Variants in ATP1B4 observed in about 807,000 individuals in gnomAD.
The protein encoded by ATP1B4 is ATPase Na+/K+ transporting family member beta 4, also known as protein ATP1B4.
ATP1B4 carries 32 observed loss-of-function variants against 29.6 expected under a neutral mutation model. The ratio of observed to expected loss-of-function variants is 1.08; its 90% CI spans 0.82 to 1.45. The LOEUF (loss-of-function observed/expected upper bound fraction) is 1.45, where lower values mean the gene tolerates loss of function less well. Ranked by LOEUF, ATP1B4 falls within the 40% of genes most tolerant of loss-of-function variation. The pLI is 0.00. For synonymous variants in ATP1B4, 127 were observed against 102.1 expected, an observed-to-expected ratio of 1.24 and a Z score of -1.47; for missense variants, 323 against 276.2, an observed-to-expected ratio of 1.17 and a Z score of -1.20.
intron 2 of ATP1B4, among the ~76,000 whole-genome samples, chrX:120,369,164 G>C (rs2058300631): frequency 8.9e-6 from 1 of 112,323 alleles, no homozygotes; most frequent in African/African-American, 3.2e-5. Context: ...GGCTCTAGCT[G>C]TTGATCCATT....
intron 1 of ATP1B4, among the ~76,000 whole-genome samples, chrX:120,362,735 C>T (rs1679737598): frequency 9.0e-6 from 1 of 111,643 alleles, no homozygotes; most frequent in African/African-American, 3.3e-5. Context: ...AGGGAGGAAT[C>T]CTAGACATTA....
intron 7 of ATP1B4, among the ~76,000 whole-genome samples, chrX:120,379,183 T>C (rs911026329): frequency 2.7e-5 from 3 of 111,449 alleles, no homozygotes; most frequent in African/African-American, 9.8e-5. Flanking sequence ...GACACTAGTT[T>C]TGGTTTAATT....
chrX:120,380,737 A>G lies in ATP1B4; in HGVS notation c.*1103A>G, dbSNP rs1193405891. The G allele has an allele frequency of 8.9e-6, 1 of 112,455 alleles. No homozygotes were observed. Among genetic ancestry groups the G allele is most frequent in the Admixed American group, 9.4e-5 (1 of 10,629 alleles). 9.3% of individuals were successfully genotyped at this position (112,455 alleles called of 1,213,427 possible). ...TGGAAATTGAAATCATAATCTGTCAATGAATACATGACAAGACAGAACGTT... is the reference window on the plus strand; with the variant it reads ...TGGAAATTGAAATCATAATCTGTCAGTGAATACATGACAAGACAGAACGTT... On this transcript the variant is annotated 3_prime_UTR_variant, in exon 8 of 8. Coordinates refer to ENST00000218008, the MANE Select transcript of ATP1B4 (RefSeq NM_001142447.3).
chrX:120,365,289 A>G (rs2058280465), intron 1 of ATP1B4, among the ~76,000 whole-genome samples: 1 of 112,274 alleles, frequency 8.9e-6, no homozygotes, highest in Admixed American at 9.4e-5. Context: ...ATTAGAGAGC[A>G]ATTCAAGAGG....
intron 1 of ATP1B4, among the ~76,000 whole-genome samples, chrX:120,364,308 T>C (rs142183411): frequency 0.014 from 1,569 of 112,177 alleles, 33 homozygotes; most frequent in African/African-American, 0.047. Flanking sequence ...TTCACTGAGA[T>C]TCTCAGGTGC....
rs763633512 is a variant in ATP1B4 at position 120,380,007 on chromosome X, A to C, written c.*373A>C. Reference sequence around the variant, plus strand: ...TTATAAATTCATCATGTTTTCTAAAATTCTGTTGGTTTTAGAGGTCAGATT... The same window carrying C: ...TTATAAATTCATCATGTTTTCTAAACTTCTGTTGGTTTTAGAGGTCAGATT... On this transcript the variant is annotated 3_prime_UTR_variant, in exon 8 of 8. Transcript: ENST00000218008. 175 of 120,236 alleles carry C rather than the reference A, an allele frequency of 1.5e-3. No individual in the cohort carries two copies. The highest frequency in any genetic ancestry group is 5.5e-3 in the African/African-American group (170 of 30,985). 9.9% of individuals were successfully genotyped at this position (120,236 alleles called of 1,213,427 possible). A position where few individuals can be genotyped will look rare whatever the true frequency, so the allele number is the denominator to read the frequency against.
chrX:120,374,035 C>G (rs753956652), intron 4 of ATP1B4, among the ~76,000 whole-genome samples: 1 of 111,267 alleles, frequency 9.0e-6, no homozygotes, highest in African/African-American at 3.3e-5. Context: ...AACTGCCCAG[C>G]GGGTTCACCT....
At position 120,378,737 on chromosome X, in the gene ATP1B4, C is replaced by T. The variant is rs1485118639; in HGVS notation, c.876C>T (p.Asp292=). The T allele has an allele frequency of 8.3e-7, 1 of 1,208,855 alleles. No homozygotes were observed. Among genetic ancestry groups the T allele is most frequent in the East Asian group, 3.0e-5 (1 of 33,749 alleles). Reference sequence around the variant, plus strand: ...ACTACCCAGAGTCGGCTTCTTTTGACCTCCGCTACTACCCTTACTACGGCA... The same window carrying T: ...ACTACCCAGAGTCGGCTTCTTTTGATCTCCGCTACTACCCTTACTACGGCA... ...ISYYPESASF[D]LRYYPYYGKL... The change falls in exon 7 of 8, where the codon GAC becomes GAT. Residue 292 remains aspartate, a synonymous_variant. Transcript: ENST00000218008.
At position 120,381,321 on chromosome X, in the gene ATP1B4, G is replaced by A. The variant is rs1011197437; in HGVS notation, c.*1687G>A. 6 of 112,263 alleles carry A rather than the reference G, an allele frequency of 5.3e-5. No individual in the cohort carries two copies. Among genetic ancestry groups the A allele is most frequent in the African/African-American group, 1.9e-4 (6 of 30,893 alleles). 9.3% of individuals were successfully genotyped at this position (112,263 alleles called of 1,213,427 possible). On this transcript the variant is annotated 3_prime_UTR_variant, in exon 8 of 8. Coordinates refer to ENST00000218008, the MANE Select transcript of ATP1B4 (RefSeq NM_001142447.3). ...AATGGCAGGGATGGCAAGAGATCCA[G>A]CTAGAGAGGTATTCAGGGATGGAAA...
chrX:120,366,460 G>T, intron 1 of ATP1B4, 65 bp from the exon 2 acceptor site: 1 of 1,126,480 alleles, frequency 8.9e-7, no homozygotes, highest in Non-Finnish European at 1.2e-6. Context: ...TTTATTTTTG[G>T]CTGGTGGGAT....
At chrX:120,374,958 C>G (rs1230133964) in intron 4 of ATP1B4, among the ~76,000 whole-genome samples, 3 of 101,578 alleles carry the variant, frequency 3.0e-5, no homozygotes, top group Admixed American at 1.2e-4. Context: ...GTTTCAGTCC[C>G]TCTTCCAAAA....
chrX:120,375,646 G>A lies in ATP1B4; in HGVS notation c.759+78G>A, dbSNP rs906321297. 3.7e-5 allele frequency: 33 copies of A among 887,080 alleles called. No homozygotes were observed. The African/African-American group carries it at 5.1e-4, about 14-fold the overall frequency. 73.1% of individuals were successfully genotyped at this position (887,080 alleles called of 1,213,427 possible). ...GGCTCTGGCCACTCCATTTGTCTTG[G>A]TCTCTGTCTTCACACACCACAGGTT... is the stretch of plus-strand genomic sequence containing the variant. On this transcript the variant is annotated intron_variant, in intron 5 of 7. Transcript: ENST00000218008.
intron 4 of ATP1B4, among the ~76,000 whole-genome samples, chrX:120,373,684 A>T (rs1207768574): frequency 1.8e-5 from 2 of 112,217 alleles, no homozygotes; most frequent in Non-Finnish European, 3.8e-5. Flanking sequence ...TTTCTCCCTG[A>T]TATATGTATC....
At chrX:120,375,246 A>G in intron 4 of ATP1B4, 126 bp from the exon 5 acceptor site, 2 of 576,283 alleles carry the variant, frequency 3.5e-6, no homozygotes, top group Admixed American at 3.2e-5. Context: ...AGGTAGACTG[A>G]GTGGGCTTTC....
chrX:120,378,738 C>G lies in ATP1B4; in HGVS notation c.877C>G (p.Leu293Val). ...CTACCCAGAGTCGGCTTCTTTTGACCTCCGCTACTACCCTTACTACGGCAA... is the reference window on the plus strand; with the variant it reads ...CTACCCAGAGTCGGCTTCTTTTGACGTCCGCTACTACCCTTACTACGGCAA... The part of the protein sequence containing the change: ...SYYPESASFD[L>V]RYYPYYGKLT... Residue 293 changes from leucine (L) to valine (V), a missense_variant, in exon 7 of 8, where the codon CTC (leucine) becomes GTC (valine). Physicochemically the swap from Leu to Val is conservative, Grantham distance 32. Transcript: ENST00000218008. 1 of 1,210,887 alleles carries G rather than the reference C, an allele frequency of 8.3e-7. No homozygotes were observed. The highest frequency in any genetic ancestry group is 1.1e-6 in the Non-Finnish European group (1 of 894,894).
Position 120,379,730 on chromosome X carries a change from C to A in ATP1B4, c.*96C>A. ...TTCTTTTTCTTCAATTAGGACACAG[C>A]CAGATGGACATCTAAGACAGCCGAT... On this transcript the variant is annotated 3_prime_UTR_variant, in exon 8 of 8. Coordinates refer to ENST00000218008, the MANE Select transcript of ATP1B4 (RefSeq NM_001142447.3). 1 of 869,780 alleles carries A rather than the reference C, an allele frequency of 1.1e-6. No homozygotes were observed. The highest frequency in any genetic ancestry group is 1.6e-6 in the Non-Finnish European group (1 of 629,441). 71.7% of individuals were successfully genotyped at this position (869,780 alleles called of 1,213,427 possible). A position where few individuals can be genotyped will look rare whatever the true frequency, so the allele number is the denominator to read the frequency against.
intron 4 of ATP1B4, among the ~76,000 whole-genome samples, chrX:120,374,447 TATATACCCTTATATATACCAGG>T (rs1443911386): frequency 1.0e-4 from 10 of 99,325 alleles, no homozygotes; most frequent in Middle Eastern, 0.011. Flanking sequence ...ATATACCATA[TATATACCCTTATATATACCAGG>T]ATATACCCTT....
intron 6 of ATP1B4, among the ~76,000 whole-genome samples, chrX:120,377,747 C>T (rs2058363458): frequency 8.9e-6 from 1 of 111,765 alleles, no homozygotes; most frequent in Admixed American, 9.5e-5. Flanking sequence ...TATTAAGAAT[C>T]TCTATACATT....
chrX:120,377,950 A>G (rs925816730), intron 6 of ATP1B4, among the ~76,000 whole-genome samples: 1 of 111,723 alleles, frequency 9.0e-6, no homozygotes, highest in Non-Finnish European at 1.9e-5. Flanking sequence ...TAGCCCCCAG[A>G]CCTCTGCTAT....
Sources: allele counts gnomAD v4.1 joint callset (sites outside exome capture counted in the v4.1 genomes callset), GRCh38; gene constraint gnomAD v4.1.1; transcripts MANE v1.5; gene names NCBI Gene and HGNC (gene_info 2026-07-23, HGNC 2026-07-21).